The following MPDZ variants were observed in gnomAD, a reference collection of about 807,000 sequenced individuals.
The protein encoded by MPDZ is multiple PDZ domain crumbs cell polarity complex component, also known as multiple PDZ domain protein.
Under a neutral mutation model 239.1 loss-of-function variants are expected in MPDZ, and 234 were observed. The ratio of observed to expected loss-of-function variants is 0.98; its 90% CI spans 0.88 to 1.09. MPDZ has a LOEUF of 1.09. MPDZ is among the 50% of genes least tolerant of loss of function. The probability of loss-of-function intolerance (pLI) is 0.00; values close to 1 mark genes in which losing one functional copy is unlikely to be tolerated. For missense variants in MPDZ, 3,175 were observed against 2,510.0 expected (o/e 1.26, Z -5.66); for synonymous variants, 1,048 against 881.3 (o/e 1.19, Z -3.35).
intron 3 of MPDZ, among the ~76,000 whole-genome samples, chr9:13,234,218 C>T (rs1217634395): frequency 6.6e-6 from 1 of 151,882 alleles, no homozygotes; most frequent in Non-Finnish European, 1.5e-5. Context: ...AATATTTTGA[C>T]CATATAACAA....
chr9:13,124,384 TTAAAC>T (rs1231175409), intron 35 of MPDZ, among the ~76,000 whole-genome samples: 4 of 152,232 alleles, frequency 2.6e-5, no homozygotes, highest in Admixed American at 1.3e-4. Context: ...TACAAATGAT[TTAAAC>T]TAGTGTTTCC....
intron 10 of MPDZ, among the ~76,000 whole-genome samples, chr9:13,208,676 T>A (rs947219388): frequency 1.3e-5 from 2 of 149,298 alleles, no homozygotes; most frequent in African/African-American, 4.9e-5. Context: ...GATATATATA[T>A]ATAATATATA....
intron 39 of MPDZ, among the ~76,000 whole-genome samples, chr9:13,115,549 T>A (rs1188242693): frequency 1.3e-5 from 2 of 152,134 alleles, no homozygotes; most frequent in Admixed American, 6.5e-5. Flanking sequence ...ACCAAGTGTT[T>A]ACCTTATCAC....
intron 31 of MPDZ, chr9:13,135,757 G>A (rs927219457): frequency 7.1e-5 from 12 of 167,872 alleles, no homozygotes; most frequent in Non-Finnish European, 1.4e-4. Flanking sequence ...CATGCCCTCC[G>A]CTTGCAACAT....
chr9:13,108,841 G>C, intron 46 of MPDZ, 95 bp downstream of exon 46: 3 of 1,245,126 alleles, frequency 2.4e-6, no homozygotes, highest in South Asian at 1.9e-5. Context: ...TTAACCATTT[G>C]GCATTACCTC....
intron 1 of MPDZ, among the ~76,000 whole-genome samples, chr9:13,266,386 T>C (rs1363400410): frequency 2.0e-5 from 3 of 152,370 alleles, no homozygotes; most frequent in South Asian, 2.1e-4. Flanking sequence ...GTTCCAACTC[T>C]GCACGGAGAA....
chr9:13,128,601 G>GT (rs1945458425), intron 32 of MPDZ, among the ~76,000 whole-genome samples: 1 of 152,180 alleles, frequency 6.6e-6, no homozygotes, highest in Non-Finnish European at 1.5e-5. Flanking sequence ...AAGTTTGGTG[G>GT]TAATTTGTTA....
At chr9:13,255,833 G>C (rs909915663) in intron 1 of MPDZ, among the ~76,000 whole-genome samples, 40 of 152,132 alleles carry the variant, frequency 2.6e-4, no homozygotes, top group Non-Finnish European at 1.9e-4. Context: ...AAAAATTTTT[G>C]AAATGGTAAA....
Position 13,109,037 on chromosome 9 carries a change from T to G in MPDZ, c.5965A>C (p.Thr1989Pro). Residue 1989 changes from threonine to proline, a missense_variant, in exon 46 of 47, where the codon ACA becomes CCA. Physicochemically the swap from Thr to Pro is conservative, Grantham distance 38. Coordinates refer to ENST00000319217, the MANE Select transcript of MPDZ (RefSeq NM_001378778.1). The part of the protein sequence containing the change: ...DLGPPQCKSI[T>P]LERGPDGLGF... ...AAGCCATCTGGTCCTCGCTCTAGTG[T>G]AATAGACTTACATTGAGGAGGTCTA... 1 of 1,550,610 alleles carries G rather than the reference T, an allele frequency of 6.4e-7. No individual in the cohort carries two copies. The highest frequency in any genetic ancestry group is 8.7e-7 in the Non-Finnish European group (1 of 1,145,290).
chr9:13,243,887 A>G (rs1965987250), intron 3 of MPDZ, among the ~76,000 whole-genome samples: 1 of 152,192 alleles, frequency 6.6e-6, no homozygotes, highest in Non-Finnish European at 1.5e-5. Flanking sequence ...CCACACTCCA[A>G]AAAGTCTGAA....
chr9:13,106,850 C>T lies in MPDZ; in HGVS notation c.*115G>A, dbSNP rs1941535732. 3 of 1,125,380 alleles carry T rather than the reference C, an allele frequency of 2.7e-6. No homozygotes were observed. 69.7% of individuals were successfully genotyped at this position (1,125,380 alleles called of 1,614,324 possible). ...AAAAGAAACTTAAGTGTTATTTCCC[C>T]CCTACAGTTTTGAAGACCCGGCTGA... is the stretch of plus-strand genomic sequence containing the variant. On this transcript the variant is annotated 3_prime_UTR_variant, in exon 47 of 47. Coordinates refer to ENST00000319217, the MANE Select transcript of MPDZ (RefSeq NM_001378778.1).
At chr9:13,163,093 A>T (rs1303715592) in intron 22 of MPDZ, among the ~76,000 whole-genome samples, 1 of 152,190 alleles carries the variant, frequency 6.6e-6, no homozygotes, top group Non-Finnish European at 1.5e-5. Context: ...AAGGCTAACA[A>T]CAATTTTTTT....
In MPDZ at chr9:13,162,741, T is replaced by C. The variant is rs745428892; in HGVS notation, c.3309A>G (p.Gln1103=). The C allele has an allele frequency of 4.3e-6, 7 of 1,611,518 alleles. No individual in the cohort carries two copies. The highest frequency in any genetic ancestry group is 5.9e-6 in the Non-Finnish European group (7 of 1,178,626). Residue 1103 remains glutamine (Q), a synonymous_variant, in exon 23 of 47, where the codon CAA becomes CAG. Coordinates refer to ENST00000319217, the MANE Select transcript of MPDZ (RefSeq NM_001378778.1). ...CCAGTGCCATTACTCTTCCAGATTGTTGTCCCAAGCTTATTTTGAACTCTT... is the reference window on the plus strand; with the variant it reads ...CCAGTGCCATTACTCTTCCAGATTGCTGTCCCAAGCTTATTTTGAACTCTT... The part of the protein sequence containing the change: ...HLEEFKISLG[Q]QSGRVMALDI...
intron 22 of MPDZ, among the ~76,000 whole-genome samples, chr9:13,166,813 G>A (rs938355737): frequency 2.6e-5 from 4 of 152,012 alleles, no homozygotes; most frequent in Admixed American, 1.3e-4. Context: ...ATGAGGAAAG[G>A]GGAAAAAAGA....
In MPDZ at chr9:13,223,665, C is replaced by A. The variant is rs746721554; in HGVS notation, c.439G>T (p.Gly147Cys). 6 of 1,611,698 alleles carry A rather than the reference C, an allele frequency of 3.7e-6. No individual in the cohort carries two copies. In the South Asian group the frequency reaches 6.6e-5, roughly 18 times the overall value. ...AGTCCCACAACACTAAACCCAAGGC[C>A]TCCAGATGGAGGTTTGAGGAGCTCA... is the stretch of plus-strand genomic sequence containing the variant. ...VFELLKPPSGGLGFSVVGLRS... is the reference protein window; with the variant it reads ...VFELLKPPSGCLGFSVVGLRS... Residue 147 changes from glycine to cysteine, a missense_variant, in exon 5 of 47, where the codon GGC becomes TGC. Physicochemically the swap from Gly to Cys is radical, Grantham distance 159 (BLOSUM62 -3). Coordinates refer to ENST00000319217, the MANE Select transcript of MPDZ (RefSeq NM_001378778.1).
intron 8 of MPDZ, 78 bp from the exon 9 acceptor site, chr9:13,217,372 A>C (rs545050120): frequency 1.2e-4 from 113 of 936,004 alleles, no homozygotes; most frequent in East Asian, 5.6e-4. Flanking sequence ...AACAAACAAA[A>C]AAACCATGAT....
chr9:13,262,939 T>C (rs1265523728), intron 1 of MPDZ, among the ~76,000 whole-genome samples: 7 of 152,106 alleles, frequency 4.6e-5, no homozygotes, highest in African/African-American at 7.2e-5. Context: ...AAAGGACACA[T>C]TCTAAAATGA....
chr9:13,221,087 C>T lies in MPDZ; in HGVS notation c.876+285G>A, dbSNP rs971896800. Among the ~76,000 whole-genome samples, 3 of 151,918 alleles carry T rather than the reference C, an allele frequency of 2.0e-5. No individual in the cohort carries two copies. The South Asian group carries it at 6.2e-4, about 31-fold the overall frequency. On this transcript the variant is annotated intron_variant, in intron 7 of 46. Transcript: ENST00000319217. ...ATTATGACTATAAAACAAATAGTAG[C>T]TACCTCCACAATTATCAAATCCATA... is the stretch of plus-strand genomic sequence containing the variant.
At chr9:13,134,354 T>G (rs1946437061) in intron 31 of MPDZ, 1 of 152,194 alleles carries the variant, frequency 6.6e-6, no homozygotes, top group African/African-American at 2.4e-5. Context: ...AATACTCCAT[T>G]TCCTTAAGAG....
Sources: gnomAD v4.1 joint callset for allele counts (sites outside exome capture counted in the v4.1 genomes callset) on GRCh38, gnomAD v4.1.1 for gene constraint, MANE v1.5 for transcripts, NCBI Gene and HGNC (gene_info 2026-07-23, HGNC 2026-07-21) for gene names.